Variants in ADISSP observed in about 807,000 individuals in gnomAD.
The protein encoded by ADISSP is adipose-secreted signaling protein.
the ADISSP span, among the ~76,000 whole-genome samples, chr20:3,754,831 A>G: frequency 6.6e-6 from 1 of 152,200 alleles, no homozygotes; most frequent in Non-Finnish European, 1.5e-5. Flanking sequence ...TTCTCCCAAA[A>G]GGAAGGCAGG....
chr20:3,754,277 G>A, the ADISSP span: 1 of 1,487,956 alleles, frequency 6.7e-7, no homozygotes, highest in East Asian at 2.3e-5. Flanking sequence ...TGCCAAGGAG[G>A]TTGAGAACCC....
the ADISSP span, among the ~76,000 whole-genome samples, chr20:3,766,291 T>C: frequency 6.6e-6 from 1 of 152,214 alleles, no homozygotes; most frequent in African/African-American, 2.4e-5. Context: ...CCACACATAC[T>C]CAGAACAAAG....
At chr20:3,762,101 G>A in the ADISSP span, among the ~76,000 whole-genome samples, 1 of 152,162 alleles carries the variant, frequency 6.6e-6, no homozygotes, top group South Asian at 2.1e-4. Context: ...GTGAAACCCA[G>A]TCTCTACCAA....
the ADISSP span, among the ~76,000 whole-genome samples, chr20:3,761,555 C>G: frequency 2.6e-5 from 4 of 152,110 alleles, no homozygotes; most frequent in Non-Finnish European, 4.4e-5. Context: ...AGGCTGGTCT[C>G]GAACTCCTGA....
the ADISSP span, chr20:3,767,569 C>G: frequency 6.5e-6 from 1 of 152,764 alleles, no homozygotes; most frequent in Non-Finnish European, 1.5e-5. Flanking sequence ...GCTGGGGTCC[C>G]AGGCACTGAC....
chr20:3,760,769 A>G, the ADISSP span, among the ~76,000 whole-genome samples: 1 of 152,120 alleles, frequency 6.6e-6, no homozygotes, highest in African/African-American at 2.4e-5. Flanking sequence ...CCTGAACCCC[A>G]TTCAGACCCT....
chr20:3,756,988 T>C, the ADISSP span, among the ~76,000 whole-genome samples: 1 of 151,120 alleles, frequency 6.6e-6, no homozygotes, highest in Non-Finnish European at 1.5e-5. Context: ...ACAAAGCTTT[T>C]TAAAATAAGC....
the ADISSP span, among the ~76,000 whole-genome samples, chr20:3,757,923 G>A: frequency 2.0e-5 from 3 of 152,076 alleles, no homozygotes; most frequent in East Asian, 5.8e-4. Context: ...CGACCCAAGG[G>A]CACTCCTGTT....
At chr20:3,763,393 A>C in the ADISSP span, among the ~76,000 whole-genome samples, 2 of 151,690 alleles carry the variant, frequency 1.3e-5, no homozygotes, top group African/African-American at 4.8e-5. Context: ...CCCTGTCTCT[A>C]CTAAAAAATA....
the ADISSP span, chr20:3,754,225 G>T: frequency 2.4e-5 from 37 of 1,524,840 alleles, no homozygotes; most frequent in Non-Finnish European, 3.2e-5. Flanking sequence ...CCACTAAGGG[G>T]ACCCCTCCCC....
At chr20:3,754,350 G>C in the ADISSP span, 1 of 1,595,886 alleles carries the variant, frequency 6.3e-7, no homozygotes, top group Non-Finnish European at 8.6e-7. Flanking sequence ...AACCCTCGCA[G>C]TCGAGCTTGT....
At chr20:3,760,617 G>A in the ADISSP span, among the ~76,000 whole-genome samples, 2 of 152,244 alleles carry the variant, frequency 1.3e-5, no homozygotes, top group Admixed American at 6.5e-5. Flanking sequence ...ATGCAGCTGG[G>A]TGCGGTCAGA....
At chr20:3,755,363 C>G in the ADISSP span, 1 of 1,062,328 alleles carries the variant, frequency 9.4e-7, no homozygotes, top group Non-Finnish European at 1.4e-6. Flanking sequence ...AGAGGTGCCA[C>G]ATCCCCGACT....
At chr20:3,760,020 CCT>C in the ADISSP span, 1 of 1,610,150 alleles carries the variant, frequency 6.2e-7, no homozygotes, top group Non-Finnish European at 8.5e-7. Context: ...CAGCAATGGC[CCT>C]CCTACCAGGG....
chr20:3,760,173 A>T, the ADISSP span: 1 of 1,281,066 alleles, frequency 7.8e-7, no homozygotes, highest in Non-Finnish European at 1.1e-6. Context: ...TGCTCCAGGG[A>T]CACCAGCGGG....
chr20:3,760,849 C>G, the ADISSP span, among the ~76,000 whole-genome samples: 1 of 152,184 alleles, frequency 6.6e-6, no homozygotes, highest in Admixed American at 6.5e-5. Context: ...CAGTGAGAGG[C>G]GCCCCAGGAA....
At chr20:3,767,990 C>T in the ADISSP span, 1 of 152,280 alleles carries the variant, frequency 6.6e-6, no homozygotes, top group Non-Finnish European at 1.5e-5. Flanking sequence ...GGCCAGGGGC[C>T]AGAACCGACC....
At chr20:3,759,973 G>A in the ADISSP span, 3 of 1,358,306 alleles carry the variant, frequency 2.2e-6, no homozygotes, top group Non-Finnish European at 3.1e-6. This position sits in a 1 kb window ranked among gnomAD's most constrained non-coding sequence, Gnocchi z 4.6. Context: ...ACTCACACAT[G>A]CACACACACA....
chr20:3,766,051 T>C, the ADISSP span, among the ~76,000 whole-genome samples: 4 of 152,180 alleles, frequency 2.6e-5, no homozygotes, highest in Admixed American at 6.5e-5. Flanking sequence ...CCCATTCTCA[T>C]TGTGGTTCGA....
Sources: allele counts gnomAD v4.1 joint callset (sites outside exome capture counted in the v4.1 genomes callset), GRCh38; gene constraint gnomAD v4.1.1; non-coding constraint Gnocchi (gnomAD v3.1); transcripts MANE v1.5; gene names NCBI Gene and HGNC (gene_info 2026-07-23, HGNC 2026-07-21).